Variants in OXSR1 observed in about 807,000 individuals in gnomAD.
OXSR1 encodes the protein serine/threonine-protein kinase OSR1.
OXSR1 carries 24 observed loss-of-function variants against 79.8 expected under a neutral mutation model. The observed-to-expected ratio is 0.30, with a 90% CI of 0.22 to 0.42. The LOEUF (loss-of-function observed/expected upper bound fraction) is 0.42. Ranked by LOEUF, OXSR1 falls within the 10% of genes least tolerant of loss-of-function variation. The probability of loss-of-function intolerance (pLI) is 1.00; values close to 1 mark genes in which losing one functional copy is unlikely to be tolerated. For synonymous variants in OXSR1, 226 were observed against 209.2 expected, an observed-to-expected ratio of 1.08 and a Z score of -0.69; for missense variants, 430 against 618.4, an observed-to-expected ratio of 0.70 and a Z score of 3.23.
At chr3:38,219,180 C>T (rs1702541118) in intron 5 of OXSR1, among the ~76,000 whole-genome samples, 1 of 152,112 alleles carries the variant, frequency 6.6e-6, no homozygotes, top group African/African-American at 2.4e-5. Context: ...TTATCACTTA[C>T]ATTCCTTAGC....
intron 14 of OXSR1, among the ~76,000 whole-genome samples, chr3:38,248,798 T>C (rs1703196408): frequency 6.6e-6 from 1 of 152,220 alleles, no homozygotes; most frequent in African/African-American, 2.4e-5. Context: ...GACAACTTCA[T>C]GCTGTTTTAA....
At chr3:38,189,314 C>G (rs1234045052) in intron 2 of OXSR1, among the ~76,000 whole-genome samples, 2 of 152,140 alleles carry the variant, frequency 1.3e-5, no homozygotes, top group African/African-American at 4.8e-5. Flanking sequence ...CCTATATGCT[C>G]TCTTATCTGT....
chr3:38,238,123 T>C (rs900426766), intron 11 of OXSR1, among the ~76,000 whole-genome samples: 1 of 152,172 alleles, frequency 6.6e-6, no homozygotes, highest in Admixed American at 6.5e-5. Flanking sequence ...TATAACCTAA[T>C]ACATTGGTAT....
chr3:38,244,684 AT>A (rs1412911989), intron 12 of OXSR1, among the ~76,000 whole-genome samples: 2 of 46,726 alleles, frequency 4.3e-5, no homozygotes, highest in African/African-American at 1.3e-4. Flanking sequence ...CATGTACCAC[AT>A]TTTATTCATC....
At chr3:38,175,608 C>A (rs954875052) in intron 1 of OXSR1, among the ~76,000 whole-genome samples, 8 of 152,268 alleles carry the variant, frequency 5.3e-5, no homozygotes, top group African/African-American at 1.9e-4. Flanking sequence ...GCCCTACGTT[C>A]TCTCTCTTAA....
chr3:38,201,176 G>C (rs566553788), intron 4 of OXSR1, among the ~76,000 whole-genome samples: 54 of 152,156 alleles, frequency 3.5e-4, no homozygotes, highest in African/African-American at 1.3e-3. Flanking sequence ...AAGTAGCAGG[G>C]ATTACAGGCA....
At chr3:38,175,972 C>T (rs1338025857) in intron 1 of OXSR1, among the ~76,000 whole-genome samples, 1 of 152,126 alleles carries the variant, frequency 6.6e-6, no homozygotes, top group Non-Finnish European at 1.5e-5. Context: ...TAGGCCAATG[C>T]TTAGTCGAGG....
intron 12 of OXSR1, among the ~76,000 whole-genome samples, chr3:38,243,585 A>G (rs1433643363): frequency 6.6e-6 from 1 of 152,162 alleles, no homozygotes; most frequent in East Asian, 1.9e-4. Context: ...CAGCATCTTC[A>G]TTCTGAGCTC....
chr3:38,249,258 A>C (rs1321354127), intron 14 of OXSR1, among the ~76,000 whole-genome samples: 2 of 152,170 alleles, frequency 1.3e-5, no homozygotes, highest in African/African-American at 4.8e-5. Flanking sequence ...GTCTTTAAAC[A>C]AAACCTCCAG....
intron 12 of OXSR1, among the ~76,000 whole-genome samples, chr3:38,244,664 T>C (rs953875926): frequency 3.1e-5 from 4 of 130,494 alleles, no homozygotes; most frequent in Non-Finnish European, 6.9e-5. Flanking sequence ...TGTGTGTGTG[T>C]GTGCGTGCGC....
At chr3:38,252,671 G>T in intron 17 of OXSR1, 146 bp from the exon 18 acceptor site, 2 of 671,830 alleles carry the variant, frequency 3.0e-6, no homozygotes, top group Non-Finnish European at 5.2e-6. Context: ...CTCTTTTCTG[G>T]AATAAACACC....
intron 2 of OXSR1, among the ~76,000 whole-genome samples, chr3:38,185,157 T>C (rs1701860800): frequency 6.6e-6 from 1 of 151,892 alleles, no homozygotes; most frequent in Admixed American, 6.5e-5. Flanking sequence ...CACATATAAC[T>C]ATATAATTCG....
In OXSR1 at chr3:38,208,996, G is replaced by A. The variant is rs1033178284; in HGVS notation, c.435-7100G>A. On this transcript the variant is annotated intron_variant, in intron 4 of 17. Coordinates refer to ENST00000311806, the MANE Select transcript of OXSR1 (RefSeq NM_005109.3). ...TGTGTGTGTGTGTGTGCGCGCGCGC[G>A]TGCGCGCATGTGCATGTTTGGTGGG... 3.3e-5 allele frequency among the ~76,000 whole-genome samples: 5 copies of A among 152,072 alleles called. No individual in the cohort carries two copies. In the South Asian group the frequency reaches 6.2e-4, roughly 19 times the overall value.
intron 6 of OXSR1, among the ~76,000 whole-genome samples, chr3:38,222,293 G>C (rs1220698361): frequency 1.3e-5 from 2 of 152,182 alleles, no homozygotes; most frequent in East Asian, 3.8e-4. Flanking sequence ...GTTGCACTGA[G>C]TAACAGAATG....
chr3:38,181,373 T>TTTTTCA (rs1701782575), intron 1 of OXSR1, among the ~76,000 whole-genome samples: 1 of 144,754 alleles, frequency 6.9e-6, no homozygotes, highest in Non-Finnish European at 1.5e-5. Flanking sequence ...TTTTTTTTTT[T>TTTTTCA]GAGACAGAGT....
intron 6 of OXSR1, among the ~76,000 whole-genome samples, chr3:38,222,019 T>C (rs189335021): frequency 6.6e-6 from 1 of 152,360 alleles, no homozygotes; most frequent in Admixed American, 6.5e-5. Flanking sequence ...CATATAGTTA[T>C]TTCTAGTTCT....
chr3:38,177,262 G>A (rs1228952642), intron 1 of OXSR1, among the ~76,000 whole-genome samples: 1 of 152,160 alleles, frequency 6.6e-6, no homozygotes, highest in African/African-American at 2.4e-5. Context: ...TCTCACTGAA[G>A]GCAAGAGAAA....
chr3:38,174,454 T>C (rs1701641063), intron 1 of OXSR1, among the ~76,000 whole-genome samples: 1 of 152,036 alleles, frequency 6.6e-6, no homozygotes, highest in African/African-American at 2.4e-5. Context: ...TGGTGGTGCA[T>C]GTCTGTAATC....
At chr3:38,247,043 G>A (rs990096479) in intron 13 of OXSR1, among the ~76,000 whole-genome samples, 4 of 151,288 alleles carry the variant, frequency 2.6e-5, no homozygotes, top group Non-Finnish European at 4.4e-5. Flanking sequence ...TTTCCAATTA[G>A]TCATGGCACT....
Sources: gnomAD v4.1 joint callset for allele counts (sites outside exome capture counted in the v4.1 genomes callset) on GRCh38, gnomAD v4.1.1 for gene constraint, MANE v1.5 for transcripts, NCBI Gene and HGNC (gene_info 2026-07-23, HGNC 2026-07-21) for gene names.